Variants in MYO5B observed in about 807,000 individuals in gnomAD.
MYO5B encodes unconventional myosin-Vb.
MYO5B carries 143 observed loss-of-function variants against 229.3 expected under a neutral mutation model. The ratio of observed to expected loss-of-function variants is 0.62; its 90% confidence interval spans 0.54 to 0.72. The LOEUF (loss-of-function observed/expected upper bound fraction) is 0.72, where lower values mean the gene tolerates loss of function less well. Among genes scored for constraint, MYO5B ranks in the 30% least tolerant of loss-of-function variants. MYO5B has a pLI of 0.00. For synonymous variants in MYO5B, 918 were observed against 885.2 expected (o/e 1.04, Z -0.66); for missense variants, 2,321 against 2,331.0 (o/e 1.00, Z 0.09).
At chr18:50,187,465 A>G (rs2033164049) in intron 1 of MYO5B, among the ~76,000 whole-genome samples, 1 of 151,510 alleles carries the variant, frequency 6.6e-6, no homozygotes, top group Non-Finnish European at 1.5e-5. Flanking sequence ...AGCATAAGAC[A>G]GTCTGACAAA....
At chr18:50,024,819 C>T (rs2026313394) in intron 4 of MYO5B, among the ~76,000 whole-genome samples, 1 of 152,248 alleles carries the variant, frequency 6.6e-6, no homozygotes, top group African/African-American at 2.4e-5. Flanking sequence ...TGGACAAAGA[C>T]CAGGTAGACT....
At chr18:50,034,699 G>A (rs753942819) in intron 4 of MYO5B, among the ~76,000 whole-genome samples, 4 of 151,998 alleles carry the variant, frequency 2.6e-5, no homozygotes, top group Admixed American at 6.6e-5. Context: ...AGCTGATATC[G>A]CAGCACTTCA....
intron 1 of MYO5B, among the ~76,000 whole-genome samples, chr18:50,094,425 C>T (rs775519843): frequency 3.9e-5 from 6 of 152,026 alleles, no homozygotes; most frequent in Non-Finnish European, 1.5e-5. Context: ...GACGACACTT[C>T]TTTTTGGTGT....
chr18:49,899,104 G>A (rs2024813051), intron 21 of MYO5B, among the ~76,000 whole-genome samples: 1 of 152,112 alleles, frequency 6.6e-6, no homozygotes, highest in South Asian at 2.1e-4. Flanking sequence ...CTGTCCAGTG[G>A]GCACTCTGTC....
rs1013131972 is a variant in MYO5B at position 49,902,839 on chromosome 18, G to A, written c.2572-6C>T. On this transcript the variant is annotated splice_polypyrimidine_tract_variant and splice_region_variant and intron_variant, in intron 20 of 39. Transcript: ENST00000285039. ...GCCTTGTGCTCCATGAGGACCTGGCGGGAAACAAGGATACACATCTTGTGG... is the reference window on the plus strand; with the variant it reads ...GCCTTGTGCTCCATGAGGACCTGGCAGGAAACAAGGATACACATCTTGTGG... 2.4e-5 allele frequency: 39 copies of A among 1,598,866 alleles called. No individual in the cohort carries two copies. Among genetic ancestry groups the A allele is most frequent in the African/African-American group, 5.3e-5 (4 of 74,900 alleles).
chr18:49,850,913 T>C (rs1196174606), intron 31 of MYO5B: 1 of 152,646 alleles, frequency 6.6e-6, no homozygotes, highest in African/African-American at 2.4e-5. Flanking sequence ...CCACAAGACT[T>C]GGCCAGCCCA....
chr18:50,045,425 G>T (rs912773594), intron 2 of MYO5B, among the ~76,000 whole-genome samples: 2 of 152,172 alleles, frequency 1.3e-5, no homozygotes, highest in South Asian at 2.1e-4. Context: ...ACAGAGTCTT[G>T]CTCTACTGCC....
intron 14 of MYO5B, among the ~76,000 whole-genome samples, chr18:49,940,021 C>T (rs1235582571): frequency 6.6e-6 from 1 of 152,136 alleles, no homozygotes; most frequent in African/African-American, 2.4e-5. Flanking sequence ...TGATGCTCTG[C>T]ACTGCCGAGA....
intron 5 of MYO5B, among the ~76,000 whole-genome samples, chr18:49,997,946 G>T (rs985966136): frequency 6.6e-6 from 1 of 152,164 alleles, no homozygotes; most frequent in African/African-American, 2.4e-5. Context: ...TCAGCTGTCT[G>T]TCCCCTGATT....
chr18:50,094,314 C>T (rs1161034442), intron 1 of MYO5B, among the ~76,000 whole-genome samples: 2 of 152,208 alleles, frequency 1.3e-5, no homozygotes, highest in African/African-American at 4.8e-5. Flanking sequence ...AAAGGCTGTA[C>T]TAGACAGGTT....
chr18:50,005,129 C>T (rs146977625), intron 4 of MYO5B, among the ~76,000 whole-genome samples: 2 of 152,284 alleles, frequency 1.3e-5, no homozygotes, highest in South Asian at 2.1e-4. Flanking sequence ...CAGTCCTAAT[C>T]GTATTTTTCC....
chr18:49,970,182 C>CA (rs1171724787), intron 10 of MYO5B, among the ~76,000 whole-genome samples: 1 of 152,202 alleles, frequency 6.6e-6, no homozygotes, highest in Non-Finnish European at 1.5e-5. Flanking sequence ...CAAAAGCTGC[C>CA]AGGATCTCCC....
chr18:49,892,877 G>C (rs17727814), intron 22 of MYO5B, among the ~76,000 whole-genome samples: 12,219 of 152,242 alleles, frequency 0.08, 970 homozygotes, highest in East Asian at 0.3. Context: ...TAGGGAAGGG[G>C]CTTTTGCACT....
intron 4 of MYO5B, among the ~76,000 whole-genome samples, chr18:50,011,863 T>G (rs1161847126): frequency 6.6e-6 from 1 of 151,946 alleles, no homozygotes; most frequent in East Asian, 1.9e-4. Context: ...CACCAGACCC[T>G]GTAGTACGGT....
chr18:50,101,389 C>T (rs1347246337), intron 1 of MYO5B, among the ~76,000 whole-genome samples: 4 of 152,078 alleles, frequency 2.6e-5, no homozygotes, highest in African/African-American at 7.2e-5. Context: ...CTGTATGGGG[C>T]CATCTTCTCT....
intron 4 of MYO5B, among the ~76,000 whole-genome samples, chr18:50,020,269 A>C (rs1314526899): frequency 2.0e-5 from 3 of 152,196 alleles, no homozygotes; most frequent in African/African-American, 7.2e-5. Context: ...CAGAAACATA[A>C]AACACTCATT....
chr18:49,834,692 T>G (rs868027815), intron 39 of MYO5B, among the ~76,000 whole-genome samples: 10 of 152,224 alleles, frequency 6.6e-5, no homozygotes, highest in Middle Eastern at 3.4e-3. Context: ...AGGCTGGAGT[T>G]CAGTGGCGCA....
chr18:49,987,163 T>C (rs2025879440), intron 7 of MYO5B, among the ~76,000 whole-genome samples: 1 of 151,994 alleles, frequency 6.6e-6, no homozygotes, highest in South Asian at 2.1e-4. Context: ...GTTCCCAAAC[T>C]CAGGCCCAGT....
Position 49,842,605 on chromosome 18 carries a change from C to A in MYO5B, c.4611+636G>T, listed in dbSNP as rs191895163. On this transcript the variant is annotated intron_variant, in intron 34 of 39. Transcript: ENST00000285039. ...TCCCTCAAGAATCTCACCTCCCCCA[C>A]TGCCTGGCCCTCATCCATGTGTGGA... 1.1e-4 allele frequency among the ~76,000 whole-genome samples: 17 copies of A among 152,380 alleles called. No homozygotes were observed. In the East Asian group the frequency reaches 3.3e-3, roughly 29 times the overall value.
Sources: allele counts gnomAD v4.1 joint callset (sites outside exome capture counted in the v4.1 genomes callset), GRCh38; gene constraint gnomAD v4.1.1; transcripts MANE v1.5; gene names NCBI Gene and HGNC (gene_info 2026-07-23, HGNC 2026-07-21).